CEP290: variants seen among roughly 807,000 people sequenced by gnomAD.
CEP290 encodes centrosomal protein 290, also known as centrosomal protein of 290 kDa.
CEP290 carries 317 observed loss-of-function variants against 344.9 expected under a neutral mutation model. That is an observed-to-expected ratio of 0.92 (90% CI 0.84 to 1.01). CEP290 has a LOEUF of 1.01. Among genes scored for constraint, CEP290 ranks in the 50% least tolerant of loss-of-function variants. The pLI is 0.00. For synonymous variants in CEP290, 932 were observed against 895.8 expected, an observed-to-expected ratio of 1.04 and a Z score of -0.72; for missense variants, 2,754 against 2,761.4, an observed-to-expected ratio of 1.00 and a Z score of 0.06.
At chr12:88,137,459 T>C (rs75792793) in intron 5 of CEP290, among the ~76,000 whole-genome samples, 5,242 of 152,316 alleles carry the variant, frequency 0.034, 137 homozygotes, top group African/African-American at 0.072. Flanking sequence ...CACAGTCTTG[T>C]TAATTCAGGT....
At position 88,062,748 on chromosome 12, in the gene CEP290, C is replaced by G; in HGVS notation, c.6301G>C (p.Glu2101Gln). ...NQVRDLKEMC[E>Q]FLKKEKAEVQ... ...TCTGCTTTTTCTTTCTTAAGAAATT[C>G]ACACATTTCCTTCAAATCTCTGACT... is the stretch of plus-strand genomic sequence containing the variant. The change falls in exon 46 of 54, where the codon GAA becomes CAA. Residue 2101 changes from glutamate to glutamine, a missense_variant. Glu to Gln is a conservative substitution (Grantham distance 29). Coordinates refer to ENST00000552810, the MANE Select transcript of CEP290 (RefSeq NM_025114.4). The G allele has an allele frequency of 6.3e-7, 1 of 1,592,948 alleles. No homozygotes were observed. Among genetic ancestry groups the G allele is most frequent in the Non-Finnish European group, 8.6e-7 (1 of 1,168,250 alleles).
intron 49 of CEP290, among the ~76,000 whole-genome samples, chr12:88,057,237 A>T (rs1320808453): frequency 6.6e-6 from 1 of 152,222 alleles, no homozygotes; most frequent in Admixed American, 6.5e-5. Flanking sequence ...ACTTAAGATC[A>T]TAGTAAGAAT....
At chr12:88,099,395 A>G (rs1040876195) in intron 26 of CEP290, among the ~76,000 whole-genome samples, 9 of 152,206 alleles carry the variant, frequency 5.9e-5, no homozygotes, top group Admixed American at 2.6e-4. Context: ...ATTCTGTACA[A>G]CAGAATAGAG....
chr12:88,127,338 A>C (rs1480464131), intron 11 of CEP290, among the ~76,000 whole-genome samples: 3 of 152,150 alleles, frequency 2.0e-5, no homozygotes, highest in Non-Finnish European at 2.9e-5. Context: ...AACTACAAAA[A>C]TTAGCTGCGC....
chr12:88,115,750 T>C (rs2039000999), intron 18 of CEP290: 1 of 955,888 alleles, frequency 1.0e-6, no homozygotes, highest in East Asian at 1.2e-4. Flanking sequence ...GAAATATAAT[T>C]TGGAGAAAAA....
chr12:88,049,460 T>C (rs1340840594), intron 53 of CEP290, 46 bp from the exon 54 acceptor site: 3 of 979,586 alleles, frequency 3.1e-6, no homozygotes, highest in East Asian at 2.6e-5. Flanking sequence ...GAAATATACA[T>C]ATTTTACGTT....
intron 26 of CEP290, among the ~76,000 whole-genome samples, chr12:88,100,460 A>T (rs1565866542): frequency 6.6e-6 from 1 of 152,060 alleles, no homozygotes; most frequent in Non-Finnish European, 1.5e-5. Context: ...AGTCTCATGA[A>T]CCTTTACCTC....
At chr12:88,114,635 A>G in intron 19 of CEP290, 73 bp from the exon 20 acceptor site, 1 of 1,174,218 alleles carries the variant, frequency 8.5e-7, no homozygotes, top group South Asian at 1.7e-5. Flanking sequence ...ACAGATGACA[A>G]ATATTTCACA....
chr12:88,085,990 C>T, intron 34 of CEP290, 49 bp downstream of exon 34: 3 of 1,534,724 alleles, frequency 2.0e-6, no homozygotes, highest in South Asian at 2.5e-5. Context: ...GAAAGCCCCC[C>T]AAACATACCA....
intron 28 of CEP290, among the ~76,000 whole-genome samples, chr12:88,093,330 A>T (rs575690946): frequency 6.6e-6 from 1 of 152,242 alleles, no homozygotes; most frequent in African/African-American, 2.4e-5. Context: ...ATTTACTGCC[A>T]CACAGTTTAA....
At chr12:88,078,402 C>T (rs1347986471) in intron 39 of CEP290, among the ~76,000 whole-genome samples, 1 of 151,888 alleles carries the variant, frequency 6.6e-6, no homozygotes, top group African/African-American at 2.4e-5. Flanking sequence ...CCTAGCTGTC[C>T]TATGGTGAGA....
intron 29 of CEP290, among the ~76,000 whole-genome samples, chr12:88,091,878 C>T (rs2037072847): frequency 6.6e-6 from 1 of 152,032 alleles, no homozygotes; most frequent in African/African-American, 2.4e-5. Context: ...GAAAATACAG[C>T]ATATAGCTGG....
At chr12:88,097,590 T>C (rs2037522939) in intron 26 of CEP290, among the ~76,000 whole-genome samples, 1 of 125,506 alleles carries the variant, frequency 8.0e-6, no homozygotes, top group South Asian at 2.7e-4. Context: ...CATACATATA[T>C]ATATACACAC....
Position 88,111,843 on chromosome 12 carries a change from T to G in CEP290, c.2068A>C (p.Asn690His), listed in dbSNP as rs398124411. Residue 690 changes from asparagine (N) to histidine (H), a missense_variant, in exon 21 of 54, where the codon AAT becomes CAT. Asn to His is a moderately conservative substitution (Grantham distance 68). Transcript: ENST00000552810. ...ERLVNAIESK[N>H]AEGIFDASLH... The stretch of plus-strand genomic sequence containing the variant: ...CTCGCATCAAAGATTCCTTCTGCAT[T>G]CTTTGATTCTATAGCCTAGCAAATT... 17 of 1,592,898 alleles carry G rather than the reference T, an allele frequency of 1.1e-5. No individual in the cohort carries two copies. In the Admixed American group the frequency reaches 3.0e-4, roughly 28 times the overall value.
At chr12:88,111,084 G>T in intron 22 of CEP290, 118 bp downstream of exon 22, 1 of 548,866 alleles carries the variant, frequency 1.8e-6, no homozygotes, top group Non-Finnish European at 2.9e-6. Context: ...TGCATGCTTT[G>T]GTGATGGAAA....
rs987710161 is a variant in CEP290 at position 88,062,737 on chromosome 12, C to G, written c.6312G>C (p.Lys2104Asn). 3.1e-6 allele frequency: 5 copies of G among 1,598,924 alleles called. No homozygotes were observed. In the African/African-American group the frequency reaches 5.4e-5, roughly 17 times the overall value. Residue 2104 changes from lysine (K) to asparagine (N), a missense_variant, in exon 46 of 54, where the codon AAG becomes AAC. Physicochemically the swap from Lys to Asn is moderately conservative, Grantham distance 94. Transcript: ENST00000552810. ...TCCGCTGAACTTCTGCTTTTTCTTTCTTAAGAAATTCACACATTTCCTTCA... is the reference window on the plus strand; with the variant it reads ...TCCGCTGAACTTCTGCTTTTTCTTTGTTAAGAAATTCACACATTTCCTTCA... ...RDLKEMCEFL[K>N]KEKAEVQRKL...
chr12:88,129,176 A>G (rs2039918302), intron 10 of CEP290, 141 bp from the exon 11 acceptor site: 3 of 413,144 alleles, frequency 7.3e-6, no homozygotes, highest in South Asian at 1.7e-4. Context: ...ACACATACAT[A>G]CGGATACATT....
In CEP290 at chr12:88,086,419, T is replaced by C. The variant is rs1023139659; in HGVS notation, c.4274A>G (p.Gln1425Arg). Reference sequence around the variant, plus strand: ...TTGTGCCGCATTTAGTATTTCATTTTGCTGACGGTCAAAAATGTCTAGTTG... The same window carrying C: ...TTGTGCCGCATTTAGTATTTCATTTCGCTGACGGTCAAAAATGTCTAGTTG... ...ERQLDIFDRQ[Q>R]NEILNAAQKF... Residue 1425 changes from glutamine to arginine, a missense_variant, in exon 33 of 54, where the codon CAA (glutamine) becomes CGA (arginine). Transcript: ENST00000552810. 10 of 1,596,020 alleles carry C rather than the reference T, an allele frequency of 6.3e-6. No individual in the cohort carries two copies. Among genetic ancestry groups the C allele is most frequent in the Non-Finnish European group, 8.6e-6 (10 of 1,169,484 alleles).
At chr12:88,064,692 C>G (rs931821059) in intron 44 of CEP290, among the ~76,000 whole-genome samples, 10 of 152,048 alleles carry the variant, frequency 6.6e-5, no homozygotes, top group African/African-American at 2.4e-4. Flanking sequence ...ACAGGGAAAA[C>G]ATGGACATTT....
Sources: gnomAD v4.1 joint callset for allele counts (sites outside exome capture counted in the v4.1 genomes callset) on GRCh38, gnomAD v4.1.1 for gene constraint, MANE v1.5 for transcripts, NCBI Gene and HGNC (gene_info 2026-07-23, HGNC 2026-07-21) for gene names.